Variants in BPHL observed in about 807,000 individuals in gnomAD.
BPHL encodes the protein serine hydrolase BPHL.
A neutral mutation model predicts 31.2 loss-of-function variants in BPHL; 27 were observed. The observed-to-expected ratio is 0.87, with a 90% CI of 0.64 to 1.19. The LOEUF is 1.19. Among genes scored for constraint, BPHL ranks in the 50% most tolerant of loss-of-function variants. The pLI, the probability that BPHL is intolerant of heterozygous loss-of-function variation, is 0.00. For synonymous variants in BPHL, 150 were observed against 146.8 expected (o/e 1.02, Z -0.16); for missense variants, 356 against 375.7 (o/e 0.95, Z 0.43).
intron 5 of BPHL, chr6:3,138,641 A>G (rs1762079338): frequency 2.0e-5 from 3 of 152,326 alleles, no homozygotes; most frequent in South Asian, 4.1e-4. Context: ...TATCAAATGT[A>G]TGCCTTATAA....
At chr6:3,127,866 G>C (rs1041851243) in intron 3 of BPHL, among the ~76,000 whole-genome samples, 1 of 151,392 alleles carries the variant, frequency 6.6e-6, no homozygotes, top group Non-Finnish European at 1.5e-5. Context: ...TGTCACCCAG[G>C]CTGGAGTGCG....
intron 4 of BPHL, among the ~76,000 whole-genome samples, chr6:3,129,771 T>C (rs911205647): frequency 6.6e-6 from 1 of 151,712 alleles, no homozygotes; most frequent in Admixed American, 6.6e-5. Context: ...GCTATTTGCA[T>C]GCTTTAACGT....
chr6:3,122,615 G>A (rs150962373), intron 1 of BPHL, among the ~76,000 whole-genome samples: 3 of 152,356 alleles, frequency 2.0e-5, no homozygotes, highest in African/African-American at 7.2e-5. Flanking sequence ...GTCCTGAGGC[G>A]TTGTCCTGTG....
rs1762010275 is a variant in BPHL, at chr6:3,136,044, C to G, written c.533-1318C>G. Among the ~76,000 whole-genome samples the G allele has an allele frequency of 5.3e-5, 8 of 152,200 alleles. No individual in the cohort carries two copies. In the South Asian group the frequency reaches 1.7e-3, roughly 32 times the overall value. On this transcript the variant is annotated intron_variant, in intron 4 of 6. Transcript: ENST00000380379. ...TTGCTGTATTTTCAGGGTTCTGTTT[C>G]TCATGTGCAGACACACTCATACACA...
Position 3,152,686 on chromosome 6 carries a change from T to G in BPHL, c.*111T>G. On this transcript the variant is annotated 3_prime_UTR_variant, in exon 7 of 7. Transcript: ENST00000380379. Reference sequence around the variant, plus strand: ...GCCTTTGAAACTTTCTACCCCTCCCTTCAATCTTATCCTAACCAAATGAGA... The same window carrying G: ...GCCTTTGAAACTTTCTACCCCTCCCGTCAATCTTATCCTAACCAAATGAGA... 1.1e-6 allele frequency: 1 copy of G among 915,904 alleles called. No homozygotes were observed. The highest frequency in any genetic ancestry group is 1.7e-6 in the Non-Finnish European group (1 of 594,890). 56.7% of individuals were successfully genotyped at this position (915,904 alleles called of 1,614,324 possible).
In BPHL at chr6:3,120,227, G is replaced by T. The variant is rs1240937028; in HGVS notation, c.107+1380G>T. ...TTTTTGTGTTTTTAGTAGAGATGGG[G>T]TTTCACCATGTTGGCCAAGCTGATC... On this transcript the variant is annotated intron_variant, in intron 1 of 6. Coordinates refer to ENST00000380379, the MANE Select transcript of BPHL (RefSeq NM_004332.4). Among the ~76,000 whole-genome samples the T allele has an allele frequency of 3.9e-5, 6 of 152,128 alleles. No homozygotes were observed. In the South Asian group the frequency reaches 8.3e-4, roughly 21 times the overall value.
intron 1 of BPHL, among the ~76,000 whole-genome samples, chr6:3,121,291 CTTTTT>C (rs67332286): frequency 1.6e-3 from 129 of 80,380 alleles, no homozygotes; most frequent in African/African-American, 6.3e-3. Context: ...ATAGCAGTTT[CTTTTT>C]TTTTTTTTTT....
At chr6:3,143,700 C>T (rs547907521) in intron 6 of BPHL, among the ~76,000 whole-genome samples, 144 of 152,328 alleles carry the variant, frequency 9.5e-4, no homozygotes, top group African/African-American at 3.4e-3. Context: ...GACTTCATTT[C>T]AAATCAATTA....
At chr6:3,151,347 G>A (rs1317662489) in intron 6 of BPHL, among the ~76,000 whole-genome samples, 1 of 152,122 alleles carries the variant, frequency 6.6e-6, no homozygotes, top group East Asian at 1.9e-4. Context: ...TGTTAAAGTT[G>A]AATTTAGAAT....
intron 6 of BPHL, among the ~76,000 whole-genome samples, chr6:3,141,288 G>A (rs1388272638): frequency 6.6e-6 from 1 of 152,132 alleles, no homozygotes; most frequent in Non-Finnish European, 1.5e-5. Context: ...AATTCATTTG[G>A]TAAGAGCATA....
At chr6:3,127,176 GT>G in intron 2 of BPHL, 65 bp from the exon 3 acceptor site, 2 of 1,125,352 alleles carry the variant, frequency 1.8e-6, no homozygotes, top group Non-Finnish European at 2.5e-6. Flanking sequence ...TATTGCTTCT[GT>G]TTTCACTGTA....
intron 4 of BPHL, among the ~76,000 whole-genome samples, chr6:3,136,939 C>T (rs577298165): frequency 6.6e-6 from 1 of 152,302 alleles, no homozygotes; most frequent in African/African-American, 2.4e-5. Flanking sequence ...CAGAAAAAAA[C>T]TCCTCTTTTG....
chr6:3,131,552 A>G (rs1761869219), intron 4 of BPHL, among the ~76,000 whole-genome samples: 1 of 152,014 alleles, frequency 6.6e-6, no homozygotes, highest in Non-Finnish European at 1.5e-5. Context: ...TCCATAGGAG[A>G]GTTTCCTTTG....
chr6:3,118,632 G>T (rs1166070830), upstream of BPHL: 1 of 757,690 alleles, frequency 1.3e-6, no homozygotes, highest in Non-Finnish European at 1.8e-6. Context: ...GAGCAGGATG[G>T]AGAGGCGAGG....
At chr6:3,130,839 T>C (rs1761851300) in intron 4 of BPHL, among the ~76,000 whole-genome samples, 4 of 152,212 alleles carry the variant, frequency 2.6e-5, no homozygotes, top group Admixed American at 2.6e-4. Flanking sequence ...ACAGTCTTTC[T>C]GTTTTTTAAA....
intron 6 of BPHL, among the ~76,000 whole-genome samples, chr6:3,152,155 TC>T (rs1296366987): frequency 6.6e-6 from 1 of 152,214 alleles, no homozygotes; most frequent in Non-Finnish European, 1.5e-5. Context: ...AATGGATTTT[TC>T]TAGAGTAACC....
chr6:3,152,527 G>A lies in BPHL; in HGVS notation c.828G>A (p.Leu276=). The A allele has an allele frequency of 6.2e-7, 1 of 1,613,270 alleles. No individual in the cohort carries two copies. Among genetic ancestry groups the A allele is most frequent in the African/African-American group, 1.3e-5 (1 of 74,954 alleles). The change falls in exon 7 of 7, where the codon TTG becomes TTA. Residue 276 remains leucine (L), a synonymous_variant. Coordinates refer to ENST00000380379, the MANE Select transcript of BPHL (RefSeq NM_004332.4). The part of the protein sequence containing the change: ...LMPEGKHNLH[L]RFADEFNKLA... ...CAGAAGGCAAACACAACCTGCATTTGCGTTTTGCAGATGAATTCAACAAGT... is the reference window on the plus strand; with the variant it reads ...CAGAAGGCAAACACAACCTGCATTTACGTTTTGCAGATGAATTCAACAAGT...
intron 1 of BPHL, among the ~76,000 whole-genome samples, chr6:3,121,376 T>G (rs556988361): frequency 6.5e-4 from 91 of 140,192 alleles, no homozygotes; most frequent in African/African-American, 2.3e-3. Flanking sequence ...CTCGGCTCAC[T>G]GTAATCTTCA....
chr6:3,118,717 C>A lies in BPHL; in HGVS notation c.-24C>A, dbSNP rs566652280. 4.0e-6 allele frequency: 5 copies of A among 1,255,776 alleles called. No individual in the cohort carries two copies. Among genetic ancestry groups the A allele is most frequent in the Non-Finnish European group, 5.0e-6 (5 of 996,484 alleles). 77.8% of individuals were successfully genotyped at this position (1,255,776 alleles called of 1,614,324 possible). On this transcript the variant is annotated 5_prime_UTR_variant, in exon 1 of 7. Coordinates refer to ENST00000380379, the MANE Select transcript of BPHL (RefSeq NM_004332.4). Reference sequence around the variant, plus strand: ...GCTTGGTCTTAGCGCATGCGCACTCCCGGCAGCTACGCGACCTGTGACCAT... The same window carrying A: ...GCTTGGTCTTAGCGCATGCGCACTCACGGCAGCTACGCGACCTGTGACCAT...
Sources: gnomAD v4.1 joint callset for allele counts (sites outside exome capture counted in the v4.1 genomes callset) on GRCh38, gnomAD v4.1.1 for gene constraint, MANE v1.5 for transcripts, NCBI Gene and HGNC (gene_info 2026-07-23, HGNC 2026-07-21) for gene names.